The following PTPRT variants were observed in gnomAD, a reference collection of about 807,000 sequenced individuals.
PTPRT encodes receptor-type tyrosine-protein phosphatase T.
Under a neutral mutation model 176.8 loss-of-function variants are expected in PTPRT, and 56 were observed. The observed-to-expected ratio is 0.32, with a 90% CI of 0.26 to 0.40. The LOEUF (loss-of-function observed/expected upper bound fraction) is 0.40. PTPRT is among the 10% of genes least tolerant of loss of function. PTPRT has a pLI of 1.00. For synonymous variants in PTPRT, 783 were observed against 739.0 expected, an observed-to-expected ratio of 1.06 and a Z score of -0.96; for missense variants, 1,540 against 1,908.2, an observed-to-expected ratio of 0.81 and a Z score of 3.60.
rs531541549 is a variant in PTPRT at position 42,565,278 on chromosome 20, C to G, written c.1154-92716G>C. On this transcript the variant is annotated intron_variant, in intron 7 of 30. Coordinates refer to ENST00000373187, the MANE Select transcript of PTPRT (RefSeq NM_007050.6). Reference sequence around the variant, plus strand: ...AACCCCACGTTGCTGTGTGACAGGGCCTGCTTCTGTCCGCCTAGGTGCACA... The same window carrying G: ...AACCCCACGTTGCTGTGTGACAGGGGCTGCTTCTGTCCGCCTAGGTGCACA... Among the ~76,000 whole-genome samples, 22 of 152,312 alleles carry G rather than the reference C, an allele frequency of 1.4e-4. No homozygotes were observed. In the South Asian group the frequency reaches 4.6e-3, roughly 32 times the overall value.
chr20:42,717,707 A>G (rs1467914766), intron 6 of PTPRT, among the ~76,000 whole-genome samples: 11 of 152,260 alleles, frequency 7.2e-5, no homozygotes, highest in Admixed American at 7.2e-4. Flanking sequence ...CCATTAATTA[A>G]GTGAAAAGGC....
chr20:42,200,862 C>T (rs2146683039), intron 15 of PTPRT, among the ~76,000 whole-genome samples: 1 of 152,294 alleles, frequency 6.6e-6, no homozygotes, highest in East Asian at 1.9e-4. Flanking sequence ...TTTGGTCATT[C>T]CTGTCCTGTC....
chr20:42,566,120 A>T (rs2073035861), intron 7 of PTPRT, among the ~76,000 whole-genome samples: 1 of 150,536 alleles, frequency 6.6e-6, no homozygotes, highest in Non-Finnish European at 1.5e-5. Context: ...TTAAAAAAAA[A>T]TAGATTCAAT....
chr20:43,135,484 T>C (rs1401540750), intron 1 of PTPRT, among the ~76,000 whole-genome samples: 1 of 152,200 alleles, frequency 6.6e-6, no homozygotes, highest in East Asian at 1.9e-4. Context: ...ATATTCACAT[T>C]GATGGTCTCC....
At chr20:42,140,570 T>C (rs540200424) in intron 18 of PTPRT, among the ~76,000 whole-genome samples, 2 of 152,324 alleles carry the variant, frequency 1.3e-5, no homozygotes, top group South Asian at 4.1e-4. Context: ...TTATTGTCAC[T>C]GTTTGTTCAG....
At chr20:42,720,210 T>A (rs1252665848) in intron 6 of PTPRT, among the ~76,000 whole-genome samples, 1 of 152,222 alleles carries the variant, frequency 6.6e-6, no homozygotes, top group Non-Finnish European at 1.5e-5. Context: ...ATATTGAACA[T>A]TGCCTTTGTA....
At chr20:42,808,331 G>A (rs2077643978) in intron 2 of PTPRT, among the ~76,000 whole-genome samples, 2 of 152,182 alleles carry the variant, frequency 1.3e-5, no homozygotes, top group Non-Finnish European at 2.9e-5. Context: ...GTCTGGGGAA[G>A]CAAGTTGCTC....
At chr20:42,257,454 G>A (rs1315641898) in intron 13 of PTPRT, among the ~76,000 whole-genome samples, 1 of 151,954 alleles carries the variant, frequency 6.6e-6, no homozygotes, top group African/African-American at 2.4e-5. Context: ...CTATCACTAT[G>A]GTTTGGATCT....
At chr20:42,069,328 T>G (rs1472123937), downstream of PTPRT, among the ~76,000 whole-genome samples, 1 of 152,246 alleles carries the variant, frequency 6.6e-6, no homozygotes, top group Admixed American at 6.5e-5. Context: ...AAAAATTTCT[T>G]CTAGGCTCTA....
At chr20:42,779,802 T>C (rs1442761261) in intron 4 of PTPRT, among the ~76,000 whole-genome samples, 1 of 151,864 alleles carries the variant, frequency 6.6e-6, no homozygotes, top group Non-Finnish European at 1.5e-5. Context: ...TACTTTTCCC[T>C]GTGAGGGAAC....
At chr20:42,867,293 G>C (rs57007282) in intron 2 of PTPRT, among the ~76,000 whole-genome samples, 8,335 of 151,630 alleles carry the variant, frequency 0.055, 605 homozygotes, top group African/African-American at 0.17. Context: ...CTCCATATCA[G>C]AATGCTAGTC....
chr20:42,133,905 G>C (rs1180619916), intron 18 of PTPRT, among the ~76,000 whole-genome samples: 1 of 152,166 alleles, frequency 6.6e-6, no homozygotes, highest in Non-Finnish European at 1.5e-5. Flanking sequence ...TGATGGTTTT[G>C]GGGCTGAATG....
intron 1 of PTPRT, among the ~76,000 whole-genome samples, chr20:42,973,023 A>G (rs1982744226): frequency 6.6e-6 from 1 of 152,162 alleles, no homozygotes; most frequent in Admixed American, 6.5e-5. Flanking sequence ...GAACAGCTGC[A>G]TGAAGAATAC....
chr20:42,821,740 T>G (rs1178156801), intron 2 of PTPRT, among the ~76,000 whole-genome samples: 1 of 151,916 alleles, frequency 6.6e-6, no homozygotes, highest in Non-Finnish European at 1.5e-5. Flanking sequence ...AATGTGCAAA[T>G]ATCACAAGCA....
intron 7 of PTPRT, among the ~76,000 whole-genome samples, chr20:42,662,877 A>G (rs1243954564): frequency 6.6e-6 from 1 of 152,154 alleles, no homozygotes; most frequent in Non-Finnish European, 1.5e-5. Context: ...ATTTATAACA[A>G]TCATTCACAT....
chr20:42,333,576 C>T (rs1351807219), intron 11 of PTPRT, among the ~76,000 whole-genome samples: 1 of 152,166 alleles, frequency 6.6e-6, no homozygotes, highest in African/African-American at 2.4e-5. Flanking sequence ...TCGTGATCCA[C>T]CCACCTCGCC....
intron 7 of PTPRT, among the ~76,000 whole-genome samples, chr20:42,648,463 C>T (rs867909881): frequency 1.2e-4 from 19 of 152,090 alleles, no homozygotes; most frequent in African/African-American, 4.3e-4. Context: ...AATCAGAAGG[C>T]AGCTGCTAAG....
chr20:42,237,088 C>A (rs190813991), intron 14 of PTPRT, among the ~76,000 whole-genome samples: 1 of 152,182 alleles, frequency 6.6e-6, no homozygotes, highest in Non-Finnish European at 1.5e-5. Flanking sequence ...AATGTCCCAC[C>A]AGCCCCCAGC....
chr20:42,530,464 C>T (rs1315851653), intron 7 of PTPRT, among the ~76,000 whole-genome samples: 1 of 152,158 alleles, frequency 6.6e-6, no homozygotes, highest in African/African-American at 2.4e-5. Context: ...GTATAAACTG[C>T]TGCGTGAGCA....
Sources: gnomAD v4.1 joint callset for allele counts (sites outside exome capture counted in the v4.1 genomes callset) on GRCh38, gnomAD v4.1.1 for gene constraint, MANE v1.5 for transcripts, NCBI Gene and HGNC (gene_info 2026-07-23, HGNC 2026-07-21) for gene names.